Variants in LGALS8 observed in about 807,000 individuals in gnomAD.
LGALS8 encodes the protein galectin-8.
A neutral mutation model predicts 35.9 loss-of-function variants in LGALS8; 30 were observed. That is an observed-to-expected ratio of 0.83 (90% CI 0.62 to 1.13). The LOEUF (loss-of-function observed/expected upper bound fraction) is 1.13. LGALS8 is among the 50% of genes most tolerant of loss of function. The probability of loss-of-function intolerance (pLI) is 0.00; values close to 1 mark genes in which losing one functional copy is unlikely to be tolerated. For missense variants in LGALS8, 366 were observed against 388.7 expected (o/e 0.94, Z 0.49); for synonymous variants, 138 against 136.1 (o/e 1.01, Z -0.10).
intron 2 of LGALS8, among the ~76,000 whole-genome samples, chr1:236,537,183 AT>A (rs1467200149): frequency 6.6e-6 from 1 of 151,432 alleles, no homozygotes; most frequent in African/African-American, 2.4e-5. Flanking sequence ...CACCCGGCTA[AT>A]TTTTGTATTT....
At position 236,548,075 on chromosome 1, in the gene LGALS8, TACAA is replaced by T; in HGVS notation, c.872_875del (p.Lys291ThrfsTer23). On this transcript the variant is annotated frameshift_variant, in exon 10 of 10. Coordinates refer to ENST00000366584, the MANE Select transcript of LGALS8 (RefSeq NM_201544.4). LOFTEE classifies it high-confidence loss of function. Reference sequence around the variant, plus strand: ...AGTAAATGGCGTACACAGCCTGGAGTACAAACACAGATTTAAAGAGCTCAGCAGT... The same window carrying T: ...AGTAAATGGCGTACACAGCCTGGAGTACACAGATTTAAAGAGCTCAGCAGT... 1 of 1,612,746 alleles carries T rather than the reference TACAA, an allele frequency of 6.2e-7. No homozygotes were observed. Among genetic ancestry groups the T allele is most frequent in the Non-Finnish European group, 8.5e-7 (1 of 1,179,384 alleles).
At chr1:236,544,273 C>T (rs1411781725) in intron 8 of LGALS8, among the ~76,000 whole-genome samples, 1 of 152,168 alleles carries the variant, frequency 6.6e-6, no homozygotes, top group Non-Finnish European at 1.5e-5. Context: ...TTTAGGGCCC[C>T]TCTTGTCATG....
chr1:236,519,660 G>A (rs1660497668), upstream of LGALS8, among the ~76,000 whole-genome samples: 1 of 152,178 alleles, frequency 6.6e-6, no homozygotes, highest in African/African-American at 2.4e-5. Flanking sequence ...CATGAGTAAA[G>A]TCAGTAGCGT....
intron 7 of LGALS8, chr1:236,543,108 C>G: frequency 7.0e-7 from 1 of 1,423,986 alleles, no homozygotes; most frequent in Non-Finnish European, 9.9e-7. Context: ...TTACGAGTAA[C>G]CTGTATCCAC....
Position 236,540,623 on chromosome 1 carries a change from A to G in LGALS8, c.405A>G (p.Ile135Met), listed in dbSNP as rs989566110. 1.2e-6 allele frequency: 2 copies of G among 1,611,842 alleles called. No individual in the cohort carries two copies. Among genetic ancestry groups the G allele is most frequent in the African/African-American group, 1.3e-5 (1 of 74,786 alleles). ...GCCACAGGATCGGCCCAGAGAAAATAGACACTCTGGGCATTTATGGCAAAG... is the reference window on the plus strand; with the variant it reads ...GCCACAGGATCGGCCCAGAGAAAATGGACACTCTGGGCATTTATGGCAAAG... ...LYGHRIGPEK[I>M]DTLGIYGKVN... Residue 135 changes from isoleucine (I) to methionine (M), a missense_variant, in exon 5 of 10, where the codon ATA (isoleucine) becomes ATG (methionine). Ile to Met is a conservative substitution (Grantham distance 10, BLOSUM62 1). Transcript: ENST00000366584.
chr1:236,537,863 C>T (rs561278084), intron 3 of LGALS8, among the ~76,000 whole-genome samples: 107 of 150,728 alleles, frequency 7.1e-4, no homozygotes, highest in African/African-American at 2.2e-3. Flanking sequence ...TTTGGGAGGC[C>T]AAGGCAGGAG....
chr1:236,526,026 G>A lies in LGALS8; in HGVS notation c.-45G>A, dbSNP rs902197112. On this transcript the variant is annotated 5_prime_UTR_variant, in exon 2 of 10. Transcript: ENST00000366584. The surrounding 1 kb of genome is among the most constrained non-coding windows in gnomAD (Gnocchi z 4.6). ...TAAATGAAACTTGCCTAAAATCTTA[G>A]GTCATACACAGAAGAGACTCCAATC... 5.2e-6 allele frequency: 8 copies of A among 1,529,120 alleles called. No homozygotes were observed. The highest frequency in any genetic ancestry group is 2.7e-5 in the African/African-American group (2 of 73,222). 94.7% of individuals were successfully genotyped at this position (1,529,120 alleles called of 1,614,324 possible). A position where few individuals can be genotyped will look rare whatever the true frequency, so the allele number is the denominator to read the frequency against.
At chr1:236,524,564 C>G (rs1660706559) in intron 1 of LGALS8, 3 of 385,636 alleles carry the variant, frequency 7.8e-6, no homozygotes, top group Non-Finnish European at 1.6e-5. Flanking sequence ...TTAAACATTG[C>G]AAAGCGCAAG....
chr1:236,530,333 G>A (rs1661077618), intron 2 of LGALS8, among the ~76,000 whole-genome samples: 1 of 152,136 alleles, frequency 6.6e-6, no homozygotes, highest in Non-Finnish European at 1.5e-5. Flanking sequence ...TGTAACCTGT[G>A]AGATACCTTC....
intron 9 of LGALS8, among the ~76,000 whole-genome samples, chr1:236,547,808 C>A (rs1482667976): frequency 1.3e-5 from 2 of 152,142 alleles, no homozygotes; most frequent in African/African-American, 4.8e-5. Flanking sequence ...GAGTCACTTC[C>A]CTGGGTGGGA....
chr1:236,518,941 G>A (rs1030838253), upstream of LGALS8, among the ~76,000 whole-genome samples: 13 of 151,974 alleles, frequency 8.6e-5, no homozygotes, highest in South Asian at 2.1e-4. Flanking sequence ...GAAACAATAC[G>A]GTTCACATCG....
At chr1:236,518,242 T>G (rs1203517138), upstream of LGALS8, 1 of 152,166 alleles carries the variant, frequency 6.6e-6, no homozygotes, top group Non-Finnish European at 1.5e-5. Flanking sequence ...TTCTCCCACC[T>G]GAAAAGACTG....
intron 7 of LGALS8, 77 bp from the exon 8 acceptor site, chr1:236,543,483 A>G (rs1662151599): frequency 9.6e-7 from 1 of 1,037,072 alleles, no homozygotes; most frequent in Non-Finnish European, 1.5e-6. Context: ...AACATTCCGT[A>G]GTGTTCTTTG....
In LGALS8 at chr1:236,541,696, A is replaced by AT. The variant is rs1558165535; in HGVS notation, c.509dup (p.Ser171LysfsTer2). On this transcript the variant is annotated frameshift_variant, in exon 6 of 10. Coordinates refer to ENST00000366584, the MANE Select transcript of LGALS8 (RefSeq NM_201544.4). LOFTEE classifies it high-confidence loss of function. ...AGCATCTAGTCTGGAACTGACAGAG[A>AT]TAAGTAGAGAAAATGTAAATATTAA... is the stretch of plus-strand genomic sequence containing the variant. The AT allele has an allele frequency of 5.3e-6, 8 of 1,509,994 alleles. No individual in the cohort carries two copies. The South Asian group carries it at 8.8e-5, about 17-fold the overall frequency. The allele number at this position is 1,509,994 out of a possible 1,614,324, so 93.5% of individuals were successfully genotyped here.
chr1:236,519,165 G>A (rs1660484761), upstream of LGALS8, among the ~76,000 whole-genome samples: 1 of 151,766 alleles, frequency 6.6e-6, no homozygotes, highest in Non-Finnish European at 1.5e-5. Context: ...GAGGCAGGAG[G>A]ACTGCTTGAG....
At chr1:236,539,146 G>A (rs1661783305) in intron 4 of LGALS8, 57 bp downstream of exon 4, 1 of 1,391,748 alleles carries the variant, frequency 7.2e-7, no homozygotes, top group Non-Finnish European at 1.0e-6. Flanking sequence ...GTGCACAGGG[G>A]TGCTTTTCAC....
rs906749775 is a variant in LGALS8 at position 236,551,750 on chromosome 1, G to C, written c.*3589G>C. The C allele has an allele frequency of 2.6e-5, 10 of 388,392 alleles. No homozygotes were observed. The highest frequency in any genetic ancestry group is 4.6e-6 in the Non-Finnish European group (1 of 215,784). 24.1% of individuals were successfully genotyped at this position (388,392 alleles called of 1,614,324 possible). On this transcript the variant is annotated 3_prime_UTR_variant, in exon 10 of 10. Coordinates refer to ENST00000366584, the MANE Select transcript of LGALS8 (RefSeq NM_201544.4). Reference sequence around the variant, plus strand: ...ACAAACCACCACAAAAGAAAAGATCGTGAAGATTACACTGTAAACGGACTC... The same window carrying C: ...ACAAACCACCACAAAAGAAAAGATCCTGAAGATTACACTGTAAACGGACTC...
chr1:236,523,499 C>G (rs1217550305), upstream of LGALS8: 3 of 156,684 alleles, frequency 1.9e-5, no homozygotes, highest in East Asian at 3.9e-4. Context: ...CCCCGTGGAC[C>G]TGGGCGCCCC....
chr1:236,528,094 G>T (rs2758992), intron 2 of LGALS8, among the ~76,000 whole-genome samples: 93,059 of 151,870 alleles, frequency 0.61, 29,289 homozygotes, highest in Non-Finnish European at 0.68. Flanking sequence ...TTAGGAAAAC[G>T]GTTTTCAGCT....
Sources: gnomAD v4.1 joint callset for allele counts (sites outside exome capture counted in the v4.1 genomes callset) on GRCh38, gnomAD v4.1.1 for gene constraint, Gnocchi (gnomAD v3.1) non-coding constraint, MANE v1.5 for transcripts, NCBI Gene and HGNC (gene_info 2026-07-23, HGNC 2026-07-21) for gene names.